Variants in ZNF804B observed in about 807,000 individuals in gnomAD.
The protein encoded by ZNF804B is zinc finger protein 804B.
In ZNF804B, 80 loss-of-function variants were observed where a neutral mutation model predicts 101.4. That is an observed-to-expected ratio of 0.79 (90% CI 0.66 to 0.95). The LOEUF is 0.95. Among genes scored for constraint, ZNF804B ranks in the 40% least tolerant of loss-of-function variants. The pLI is 0.00. For synonymous variants in ZNF804B, 622 were observed against 558.8 expected (o/e 1.11, Z -1.59); for missense variants, 1,673 against 1,561.9 (o/e 1.07, Z -1.20).
At chr7:89,298,888 A>G (rs1297546370) in intron 2 of ZNF804B, among the ~76,000 whole-genome samples, 3 of 151,990 alleles carry the variant, frequency 2.0e-5, no homozygotes, top group Non-Finnish European at 4.4e-5. Flanking sequence ...TCTAAAGAAC[A>G]GGCAAAATGG....
At chr7:89,272,862 C>T (rs1414732596) in intron 2 of ZNF804B, among the ~76,000 whole-genome samples, 1 of 152,090 alleles carries the variant, frequency 6.6e-6, no homozygotes, top group Non-Finnish European at 1.5e-5. Flanking sequence ...GAAAGGCCAA[C>T]TCCAATTCTG....
chr7:89,286,887 A>G (rs1246921775), intron 2 of ZNF804B, among the ~76,000 whole-genome samples: 1 of 152,172 alleles, frequency 6.6e-6, no homozygotes, highest in Non-Finnish European at 1.5e-5. Context: ...GTATTTCCAT[A>G]AATTTACACT....
intron 1 of ZNF804B, among the ~76,000 whole-genome samples, chr7:88,878,139 C>T (rs1791979388): frequency 6.6e-6 from 1 of 152,014 alleles, no homozygotes; most frequent in South Asian, 2.1e-4. Flanking sequence ...CTTAAGATAA[C>T]TCATTATTCT....
At chr7:88,972,361 C>A (rs977003319) in intron 1 of ZNF804B, among the ~76,000 whole-genome samples, 11 of 151,266 alleles carry the variant, frequency 7.3e-5, no homozygotes, top group Admixed American at 2.6e-4. Context: ...GTAGTAATAC[C>A]CAATTTATTT....
chr7:89,280,687 C>T (rs1208871), intron 2 of ZNF804B, among the ~76,000 whole-genome samples: 36,674 of 152,118 alleles, frequency 0.24, 4,660 homozygotes, highest in Non-Finnish European at 0.27. Context: ...CACATACACT[C>T]TCCCAAGACT....
At chr7:89,035,804 T>G (rs1327521840) in intron 1 of ZNF804B, among the ~76,000 whole-genome samples, 1 of 149,896 alleles carries the variant, frequency 6.7e-6, no homozygotes, top group Non-Finnish European at 1.5e-5. Context: ...GTTAGTACAT[T>G]GGACCCGTAG....
chr7:88,825,634 C>T (rs1791041126), intron 1 of ZNF804B, among the ~76,000 whole-genome samples: 1 of 152,124 alleles, frequency 6.6e-6, no homozygotes, highest in African/African-American at 2.4e-5. Flanking sequence ...AATACAAAGG[C>T]CATGTCACTT....
chr7:88,949,014 T>A (rs930305660), intron 1 of ZNF804B, among the ~76,000 whole-genome samples: 1 of 151,896 alleles, frequency 6.6e-6, no homozygotes, highest in Non-Finnish European at 1.5e-5. Context: ...CTATGTGAAG[T>A]ATGAGTTGAG....
chr7:89,208,028 T>C (rs1429196341), intron 1 of ZNF804B, among the ~76,000 whole-genome samples: 2 of 152,120 alleles, frequency 1.3e-5, no homozygotes, highest in Non-Finnish European at 2.9e-5. Context: ...TAATACTGCG[T>C]TGTGTCAGCA....
chr7:89,333,753 A>G lies in ZNF804B; in HGVS notation c.771A>G (p.Lys257=), dbSNP rs370263764. 9.3e-6 allele frequency: 15 copies of G among 1,613,612 alleles called. No individual in the cohort carries two copies. The East Asian group carries it at 1.8e-4, about 19-fold the overall frequency. The change falls in exon 4 of 4, where the codon AAA becomes AAG. Residue 257 remains lysine, a synonymous_variant. Coordinates refer to ENST00000333190, the MANE Select transcript of ZNF804B (RefSeq NM_181646.5). ...ACAAGTCACCCATTTATAAAACAAA[A>G]CAAACTGCAGATAAGTGCAAGTGCT... ...DCNKSPIYKT[K]QTADKCKCCR...
intron 1 of ZNF804B, among the ~76,000 whole-genome samples, chr7:89,135,066 A>T (rs888519597): frequency 4.6e-5 from 7 of 152,094 alleles, no homozygotes; most frequent in Admixed American, 1.3e-4. Flanking sequence ...CTACAAAGTG[A>T]TTAGAAAATA....
rs141385646 is a variant in ZNF804B, at chr7:89,116,987, C to T, written c.109-101168C>T. ...AATCACATGTATATTTATAAGAGGG[C>T]GGAAGAGGCAGCTTTGACCACACAG... On this transcript the variant is annotated intron_variant, in intron 1 of 3. Transcript: ENST00000333190. Among the ~76,000 whole-genome samples the T allele has an allele frequency of 4.5e-3, 684 of 152,070 alleles. 6 individuals are homozygous for T. The highest frequency in any genetic ancestry group is 0.033 in the South Asian group (160 of 4,820).
rs116751765 is a variant in ZNF804B at position 88,792,479 on chromosome 7, T to G, written c.108+32395T>G. 5.3e-3 allele frequency among the ~76,000 whole-genome samples: 806 copies of G among 152,260 alleles called. 12 individuals carry two copies. Among genetic ancestry groups the G allele is most frequent in the African/African-American group, 0.018 (764 of 41,572 alleles). On this transcript the variant is annotated intron_variant, in intron 1 of 3. Coordinates refer to ENST00000333190, the MANE Select transcript of ZNF804B (RefSeq NM_181646.5). ...ATTTATTATCCATTATTCTCTTACA[T>G]ATGCTCGTCTTCTCTCCCAAACCAC...
intron 1 of ZNF804B, among the ~76,000 whole-genome samples, chr7:88,998,637 A>G (rs1210773998): frequency 1.3e-5 from 2 of 152,080 alleles, no homozygotes; most frequent in African/African-American, 4.8e-5. Context: ...TCTGATTTTA[A>G]GAAGCTTCTC....
At chr7:88,962,755 G>C (rs542401083) in intron 1 of ZNF804B, among the ~76,000 whole-genome samples, 1 of 90,450 alleles carries the variant, frequency 1.1e-5, no homozygotes, top group Non-Finnish European at 2.4e-5. Flanking sequence ...ATATGAATAC[G>C]TATTTATATA....
At chr7:89,016,219 T>G (rs932593918) in intron 1 of ZNF804B, among the ~76,000 whole-genome samples, 1 of 152,214 alleles carries the variant, frequency 6.6e-6, no homozygotes, top group Non-Finnish European at 1.5e-5. Flanking sequence ...TTGAGTTCAT[T>G]GTAGATTCTG....
rs114926698 is a variant in ZNF804B, at chr7:88,906,432, T to G, written c.108+146348T>G. Among the ~76,000 whole-genome samples the G allele has an allele frequency of 9.6e-3, 1,468 of 152,282 alleles. 17 individuals are homozygous for G. The highest frequency in any genetic ancestry group is 0.024 in the Middle Eastern group (7 of 294). On this transcript the variant is annotated intron_variant, in intron 1 of 3. Transcript: ENST00000333190. ...GCACTGCCCAGAGATTTTGGTAAGT[T>G]GTGTCCCTATTTTCATTAATTTCAA... is the stretch of plus-strand genomic sequence containing the variant.
intron 1 of ZNF804B, among the ~76,000 whole-genome samples, chr7:89,050,343 A>T (rs1789180238): frequency 6.6e-6 from 1 of 152,160 alleles, no homozygotes; most frequent in South Asian, 2.1e-4. Flanking sequence ...TCAGAGTCTT[A>T]AAATAAATCA....
intron 1 of ZNF804B, among the ~76,000 whole-genome samples, chr7:89,114,577 T>C (rs901687463): frequency 2.0e-5 from 3 of 152,238 alleles, no homozygotes; most frequent in Non-Finnish European, 2.9e-5. Flanking sequence ...CAATCTTTCT[T>C]ATTGATGCTC....
Sources: allele counts gnomAD v4.1 joint callset (sites outside exome capture counted in the v4.1 genomes callset), GRCh38; gene constraint gnomAD v4.1.1; transcripts MANE v1.5; gene names NCBI Gene and HGNC (gene_info 2026-07-23, HGNC 2026-07-21).